Variants in TEX26 observed in about 807,000 individuals in gnomAD.
TEX26 encodes the protein testis-expressed protein 26.
A neutral mutation model predicts 35.3 loss-of-function variants in TEX26; 34 were observed. The ratio of observed to expected loss-of-function variants is 0.96; its 90% CI spans 0.73 to 1.28. TEX26 has a LOEUF of 1.28. Ranked by LOEUF, TEX26 falls within the 50% of genes most tolerant of loss-of-function variation. The pLI, the probability that TEX26 is intolerant of heterozygous loss-of-function variation, is 0.00. For synonymous variants in TEX26, 136 were observed against 111.8 expected, an observed-to-expected ratio of 1.22 and a Z score of -1.36; for missense variants, 371 against 330.1, an observed-to-expected ratio of 1.12 and a Z score of -0.96.
chr13:30,966,392 G>T lies in TEX26; in HGVS notation c.640G>T (p.Gly214Cys), dbSNP rs775578581. 3 of 1,611,846 alleles carry T rather than the reference G, an allele frequency of 1.9e-6. No homozygotes were observed. Among genetic ancestry groups the T allele is most frequent in the Non-Finnish European group, 8.5e-7 (1 of 1,179,176 alleles). Residue 214 changes from glycine (G) to cysteine (C), a missense_variant, in exon 5 of 7, where the codon GGT (glycine) becomes TGT (cysteine). Physicochemically the swap from Gly to Cys is radical, Grantham distance 159 (BLOSUM62 -3). Transcript: ENST00000380473. ...CTCAAGCTTGCCTGTTGCTTCTCAG[G>T]GTCTAGGTGAGTACAGCTGCAGTTT... ...CYSSLPVASQ[G>C]LVPSVLHSYL...
chr13:30,945,274 G>A (rs181896229), intron 2 of TEX26, among the ~76,000 whole-genome samples: 7 of 151,548 alleles, frequency 4.6e-5, no homozygotes, highest in East Asian at 1.9e-4. Context: ...ACTCCAGCTC[G>A]CTTTAGGTTT....
chr13:30,943,815 A>C (rs1029886310), intron 2 of TEX26, among the ~76,000 whole-genome samples: 1 of 152,078 alleles, frequency 6.6e-6, no homozygotes, highest in Admixed American at 6.5e-5. Flanking sequence ...GATGAAACCC[A>C]CTTGATTATT....
intron 3 of TEX26, among the ~76,000 whole-genome samples, chr13:30,953,860 G>C (rs1954022488): frequency 6.6e-6 from 1 of 152,312 alleles, no homozygotes; most frequent in Non-Finnish European, 1.5e-5. Context: ...GGGACAACCT[G>C]GGATGGAGCC....
intron 3 of TEX26, among the ~76,000 whole-genome samples, chr13:30,953,194 A>G (rs961748632): frequency 6.6e-5 from 10 of 152,090 alleles, no homozygotes; most frequent in African/African-American, 2.4e-4. Context: ...CCCATTAAGC[A>G]ATTACCCCCG....
intron 6 of TEX26, 71 bp from the exon 7 acceptor site, chr13:30,974,775 T>G: frequency 4.9e-6 from 7 of 1,418,762 alleles, no homozygotes; most frequent in Non-Finnish European, 6.6e-6. Context: ...TCTTCCTTCA[T>G]AGAATTTCCC....
intron 4 of TEX26, among the ~76,000 whole-genome samples, chr13:30,959,358 C>T (rs1364804726): frequency 1.3e-5 from 2 of 152,144 alleles, no homozygotes; most frequent in African/African-American, 2.4e-5. Flanking sequence ...GCTTCTACTG[C>T]TCCTCTTCAT....
At chr13:30,945,418 A>G (rs1953670343) in intron 2 of TEX26, among the ~76,000 whole-genome samples, 1 of 151,608 alleles carries the variant, frequency 6.6e-6, no homozygotes, top group Non-Finnish European at 1.5e-5. Flanking sequence ...CTGCCAATCT[A>G]TTAAGTGGAG....
intron 3 of TEX26, among the ~76,000 whole-genome samples, chr13:30,953,890 A>C (rs61947610): frequency 0.019 from 2,837 of 152,300 alleles, 38 homozygotes; most frequent in African/African-American, 0.038. Flanking sequence ...CATTCAATAG[A>C]TGATAAAGTG....
intron 1 of TEX26, chr13:30,933,430 T>A (rs1371239751): frequency 6.6e-6 from 1 of 152,288 alleles, no homozygotes; most frequent in Non-Finnish European, 1.5e-5. Flanking sequence ...GGAGAACCAC[T>A]CTAGCTGTGA....
At chr13:30,946,398 T>G (rs1953713754) in intron 2 of TEX26, among the ~76,000 whole-genome samples, 2 of 151,958 alleles carry the variant, frequency 1.3e-5, no homozygotes, top group African/African-American at 4.8e-5. Context: ...CCGGTATCTC[T>G]CTGAGTAGCT....
intron 2 of TEX26, among the ~76,000 whole-genome samples, chr13:30,951,888 C>A (rs1471917658): frequency 6.8e-6 from 1 of 146,044 alleles, no homozygotes; most frequent in South Asian, 2.2e-4. Context: ...CCACACATTT[C>A]ATTTGGTTAT....
At chr13:30,968,123 G>A (rs916721558) in intron 5 of TEX26, among the ~76,000 whole-genome samples, 3 of 152,164 alleles carry the variant, frequency 2.0e-5, no homozygotes, top group African/African-American at 7.2e-5. Flanking sequence ...ATTAAAAGGA[G>A]AAAAGGCATA....
At chr13:30,952,191 T>A (rs1015273604) in intron 2 of TEX26, among the ~76,000 whole-genome samples, 2 of 152,088 alleles carry the variant, frequency 1.3e-5, no homozygotes, top group Non-Finnish European at 2.9e-5. Context: ...AAGTTCATAG[T>A]GTCTGGTGGT....
intron 4 of TEX26, among the ~76,000 whole-genome samples, chr13:30,962,490 C>T (rs1954382218): frequency 6.6e-6 from 1 of 152,220 alleles, no homozygotes; most frequent in Non-Finnish European, 1.5e-5. Context: ...TGGTTGTACG[C>T]CTCGCCTCTC....
rs1218966312 is a variant in TEX26, at chr13:30,966,358, T to C, written c.606T>C (p.Tyr202=). ...IPELQDFSFK[Y]GCYSSLPVAS... ...AGCTTCAAGATTTCAGTTTCAAATA[T>C]GGATGCTACTCAAGCTTGCCTGTTG... Residue 202 remains tyrosine (Y), a synonymous_variant, in exon 5 of 7, where the codon TAT becomes TAC. Coordinates refer to ENST00000380473, the MANE Select transcript of TEX26 (RefSeq NM_152325.3). 5.0e-6 allele frequency: 8 copies of C among 1,613,752 alleles called. No individual in the cohort carries two copies. Among genetic ancestry groups the C allele is most frequent in the Non-Finnish European group, 6.8e-6 (8 of 1,179,958 alleles).
rs8001226 is a variant in TEX26, at chr13:30,962,488, C to T, written c.470-3734C>T. On this transcript the variant is annotated intron_variant, in intron 4 of 6. Transcript: ENST00000380473. ...TACCCATAATTTAAGTCTGGTTGTA[C>T]GCCTCGCCTCTCTTCTGGAAGCCTT... is the stretch of plus-strand genomic sequence containing the variant. Among the ~76,000 whole-genome samples the T allele has an allele frequency of 9.7e-3, 1,477 of 152,310 alleles. 23 individuals are homozygous for T. The highest frequency in any genetic ancestry group is 0.031 in the African/African-American group (1,300 of 41,552).
At chr13:30,954,455 G>A (rs1048582853) in intron 3 of TEX26, among the ~76,000 whole-genome samples, 1 of 149,644 alleles carries the variant, frequency 6.7e-6, no homozygotes, top group Non-Finnish European at 1.5e-5. Flanking sequence ...GTATTATTAT[G>A]TATAATTAGA....
At chr13:30,968,859 C>T (rs1954624622) in intron 5 of TEX26, 26 bp from the exon 6 acceptor site, 4 of 1,600,542 alleles carry the variant, frequency 2.5e-6, no homozygotes, top group East Asian at 2.2e-5. Context: ...GCCTTCCGAC[C>T]TCTCCTCCCC....
At position 30,955,438 on chromosome 13, in the gene TEX26, A is replaced by C. The variant is rs192952785; in HGVS notation, c.313-1435A>C. Among the ~76,000 whole-genome samples the C allele has an allele frequency of 2.9e-3, 439 of 152,360 alleles. 1 individual carries two copies. The highest frequency in any genetic ancestry group is 5.2e-3 in the Non-Finnish European group (351 of 68,040). ...ACAGCAAATGGCTTCTTCAATAGATAAATCATAATTTTATGTATTGGTTTT... is the reference window on the plus strand; with the variant it reads ...ACAGCAAATGGCTTCTTCAATAGATCAATCATAATTTTATGTATTGGTTTT... On this transcript the variant is annotated intron_variant, in intron 3 of 6. Transcript: ENST00000380473.
Sources: gnomAD v4.1 joint callset for allele counts (sites outside exome capture counted in the v4.1 genomes callset) on GRCh38, gnomAD v4.1.1 for gene constraint, MANE v1.5 for transcripts, NCBI Gene and HGNC (gene_info 2026-07-23, HGNC 2026-07-21) for gene names.